Variants in AMPH observed in about 807,000 individuals in gnomAD.
AMPH encodes the protein amphiphysin, also known as amphiphysin (Stiff-Mann syndrome with breast cancer 128kD autoantigen).
In AMPH, 49 loss-of-function variants were observed where a neutral mutation model predicts 99.1. The ratio of observed to expected loss-of-function variants is 0.49; its 90% confidence interval spans 0.39 to 0.63. The LOEUF (loss-of-function observed/expected upper bound fraction) is 0.63. Among genes scored for constraint, AMPH ranks in the 20% least tolerant of loss-of-function variants. The probability of loss-of-function intolerance (pLI) is 0.00; values close to 1 mark genes in which losing one functional copy is unlikely to be tolerated. For missense variants in AMPH, 759 were observed against 863.4 expected (o/e 0.88, Z 1.52); for synonymous variants, 314 against 317.3 (o/e 0.99, Z 0.11).
Position 38,475,407 on chromosome 7 carries a change from C to A in AMPH, c.514G>T (p.Glu172Ter), listed in dbSNP as rs1472453936. The part of the protein sequence containing the change: ...DESRISKAEE[E>*]FQKAQKVFEE... ...AACACTTTCTGTGCTTTCTGAAATT[C>A]TTCTTCTGCCTAGGAATGAAACATA... The change falls in exon 7 of 21, where the codon GAA (glutamate) becomes TAA (stop). Residue 172 changes from glutamate to a stop codon, truncating the protein, a stop_gained. Transcript: ENST00000356264. LOFTEE classifies it high-confidence loss of function. 3.7e-6 allele frequency: 6 copies of A among 1,611,330 alleles called. No individual in the cohort carries two copies. Among genetic ancestry groups the A allele is most frequent in the Non-Finnish European group, 5.1e-6 (6 of 1,178,326 alleles).
At chr7:38,465,289 G>A (rs1457470324) in intron 9 of AMPH, among the ~76,000 whole-genome samples, 178 bp downstream of exon 9, 1 of 152,162 alleles carries the variant, frequency 6.6e-6, no homozygotes, top group East Asian at 1.9e-4. Flanking sequence ...TCCTAGTTGG[G>A]TCACTGAAGG....
chr7:38,472,405 C>T (rs893409389), intron 7 of AMPH, among the ~76,000 whole-genome samples: 1 of 152,018 alleles, frequency 6.6e-6, no homozygotes, highest in African/African-American at 2.4e-5. Flanking sequence ...CAAAACAAAA[C>T]ACCAAAGTGT....
chr7:38,617,057 T>A (rs1751695643), intron 1 of AMPH, among the ~76,000 whole-genome samples: 4 of 152,386 alleles, frequency 2.6e-5, no homozygotes, highest in Admixed American at 6.5e-5. Flanking sequence ...TAAAAATGTA[T>A]GAAGCTGTAC....
At chr7:38,434,809 A>G (rs1466524011) in intron 12 of AMPH, among the ~76,000 whole-genome samples, 1 of 152,014 alleles carries the variant, frequency 6.6e-6, no homozygotes. Context: ...CAGGCTGTCT[A>G]TATAATGAGA....
At chr7:38,605,719 G>A (rs547884636) in intron 1 of AMPH, among the ~76,000 whole-genome samples, 7 of 152,090 alleles carry the variant, frequency 4.6e-5, no homozygotes, top group African/African-American at 1.4e-4. Context: ...GGGATTACAG[G>A]TGCCCACCAC....
chr7:38,480,127 A>G (rs1788233518), intron 5 of AMPH, among the ~76,000 whole-genome samples: 1 of 152,128 alleles, frequency 6.6e-6, no homozygotes, highest in Admixed American at 6.6e-5. Context: ...GGATCCTTCT[A>G]GCAACCTACA....
At chr7:38,498,690 C>A (rs1384852315) in intron 3 of AMPH, among the ~76,000 whole-genome samples, 1 of 152,174 alleles carries the variant, frequency 6.6e-6, no homozygotes. Context: ...CTTCTTCTAG[C>A]CTGAATTCCA....
In AMPH at chr7:38,394,003, A is replaced by G. The variant is rs1357850966; in HGVS notation, c.1608+2T>C. ...CCCCTGGCTGCGACATGGGACACTC[A>G]CCTGAGGCACTGTTGCTTCGAGCTC... On this transcript the variant is annotated splice_donor_variant, in intron 18 of 20. Transcript: ENST00000356264. LOFTEE classifies it high-confidence loss of function. The G allele has an allele frequency of 1.2e-6, 2 of 1,614,118 alleles. No individual in the cohort carries two copies. The highest frequency in any genetic ancestry group is 1.3e-5 in the African/African-American group (1 of 75,026).
intron 1 of AMPH, among the ~76,000 whole-genome samples, chr7:38,537,885 GAGA>G (rs1462712882): frequency 6.6e-6 from 1 of 152,178 alleles, no homozygotes; most frequent in African/African-American, 2.4e-5. Flanking sequence ...ACTATGTGAT[GAGA>G]AGAACACTTG....
At chr7:38,416,026 G>A (rs1055299043) in intron 17 of AMPH, among the ~76,000 whole-genome samples, 1 of 149,996 alleles carries the variant, frequency 6.7e-6, no homozygotes, top group Admixed American at 6.7e-5. Flanking sequence ...TGGTTTGAGT[G>A]ATGGTTGGTG....
chr7:38,522,815 A>AG, intron 2 of AMPH, among the ~76,000 whole-genome samples: 1 of 152,278 alleles, frequency 6.6e-6, no homozygotes, highest in African/African-American at 2.4e-5. Context: ...AAATCTAGAA[A>AG]GGGGGAAGGC....
chr7:38,493,862 G>C (rs1483201355), intron 4 of AMPH, among the ~76,000 whole-genome samples: 2 of 152,146 alleles, frequency 1.3e-5, no homozygotes, highest in Admixed American at 6.5e-5. Context: ...GGCTGTTAAG[G>C]CTTGTAGTGA....
In AMPH at chr7:38,535,724, T is replaced by A. The variant is rs568913170; in HGVS notation, c.70-713A>T. Among the ~76,000 whole-genome samples, 4 of 152,280 alleles carry A rather than the reference T, an allele frequency of 2.6e-5. No homozygotes were observed. The East Asian group carries it at 5.8e-4, about 22-fold the overall frequency. ...CAGAACATCAGGTATTATATTCTCA[T>A]AAGGAGCTTGAAACCTAGATCTCTC... On this transcript the variant is annotated intron_variant, in intron 1 of 20. Coordinates refer to ENST00000356264, the MANE Select transcript of AMPH (RefSeq NM_001635.4).
At chr7:38,442,790 A>T (rs532480252) in intron 11 of AMPH, among the ~76,000 whole-genome samples, 8 of 93,926 alleles carry the variant, frequency 8.5e-5, no homozygotes, top group East Asian at 3.8e-4. Context: ...CCTGAATATA[A>T]AAAAAAAACA....
chr7:38,542,930 C>T (rs1024886808), intron 1 of AMPH, among the ~76,000 whole-genome samples: 1 of 152,034 alleles, frequency 6.6e-6, no homozygotes, highest in Non-Finnish European at 1.5e-5. Context: ...CCTGTCTCTA[C>T]TAAAAATACA....
intron 5 of AMPH, among the ~76,000 whole-genome samples, chr7:38,488,965 T>G (rs1788616931): frequency 8.5e-6 from 1 of 118,298 alleles, no homozygotes; most frequent in Admixed American, 9.5e-5. Flanking sequence ...AAAATCTTAA[T>G]GGAATTTTTA....
intron 15 of AMPH, among the ~76,000 whole-genome samples, chr7:38,425,119 T>A (rs574507111): frequency 1.1e-3 from 165 of 152,348 alleles, no homozygotes; most frequent in African/African-American, 3.8e-3. Flanking sequence ...AGAAAGCTAC[T>A]GGAGGTTGTG....
chr7:38,522,408 C>T (rs930963643), intron 2 of AMPH, among the ~76,000 whole-genome samples: 6 of 152,062 alleles, frequency 3.9e-5, no homozygotes, highest in Admixed American at 3.3e-4. Flanking sequence ...GAATTAGGTG[C>T]CAGTATTTTA....
chr7:38,503,295 A>G (rs2129027053), intron 3 of AMPH, among the ~76,000 whole-genome samples: 1 of 152,130 alleles, frequency 6.6e-6, no homozygotes, highest in East Asian at 1.9e-4. Context: ...CGTGTCTGTG[A>G]GTGCTCCACT....
Sources: gnomAD v4.1 joint callset for allele counts (sites outside exome capture counted in the v4.1 genomes callset) on GRCh38, gnomAD v4.1.1 for gene constraint, MANE v1.5 for transcripts, NCBI Gene and HGNC (gene_info 2026-07-23, HGNC 2026-07-21) for gene names.